Variants in POMGNT1 observed in about 807,000 individuals in gnomAD.
POMGNT1 encodes protein O-linked-mannose beta-1,2-N-acetylglucosaminyltransferase 1.
In POMGNT1, 67 loss-of-function variants were observed where a neutral mutation model predicts 95.6. The observed-to-expected ratio is 0.70, with a 90% confidence interval of 0.58 to 0.86. The LOEUF (loss-of-function observed/expected upper bound fraction) is 0.86. Ranked by LOEUF, POMGNT1 falls within the 40% of genes least tolerant of loss-of-function variation. The pLI, the probability that POMGNT1 is intolerant of heterozygous loss-of-function variation, is 0.00. For synonymous variants in POMGNT1, 298 were observed against 317.9 expected (o/e 0.94, Z 0.66); for missense variants, 719 against 855.2 (o/e 0.84, Z 1.99).
upstream of POMGNT1, among the ~76,000 whole-genome samples, chr1:46,200,677 G>T (rs1260653527): frequency 5.9e-5 from 9 of 152,336 alleles, no homozygotes; most frequent in Non-Finnish European, 1.5e-5. Context: ...AGTCCTGTCA[G>T]TCTTACCTCC....
Position 46,188,719 on chromosome 1 carries a change from T to C in POMGNT1, c.*551A>G, listed in dbSNP as rs570689044. 1.7e-5 allele frequency: 27 copies of C among 1,602,940 alleles called. No individual in the cohort carries two copies. The East Asian group carries it at 5.8e-4, about 35-fold the overall frequency. ...TCTCCTTTTTTAATCAATGACCAAC[T>C]TATCCAGCTTTGGAAATCTGGACAA... On this transcript the variant is annotated 3_prime_UTR_variant, in exon 22 of 22. Transcript: ENST00000371984.
rs753603587 is a variant in POMGNT1 at position 46,190,455 on chromosome 1, A to G, written c.1649+18T>C. 8 of 1,574,224 alleles carry G rather than the reference A, an allele frequency of 5.1e-6. No individual in the cohort carries two copies. Among genetic ancestry groups the G allele is most frequent in the Non-Finnish European group, 7.0e-6 (8 of 1,143,732 alleles). ...GACTCTTTGCTCCCTGCTACACCCC[A>G]ATTGTCCTAGGCCATACCTGAGCAG... is the stretch of plus-strand genomic sequence containing the variant. On this transcript the variant is annotated intron_variant, in intron 19 of 21. Coordinates refer to ENST00000371984, the MANE Select transcript of POMGNT1 (RefSeq NM_017739.4).
At chr1:46,214,428 T>C (rs1189286348) in intron 1 of POMGNT1, among the ~76,000 whole-genome samples, 1 of 151,662 alleles carries the variant, frequency 6.6e-6, no homozygotes, top group Non-Finnish European at 1.5e-5. Flanking sequence ...ATAAAAATCA[T>C]TAAGCATATC....
chr1:46,207,269 C>T (rs142886272), intron 1 of POMGNT1, among the ~76,000 whole-genome samples: 181 of 152,030 alleles, frequency 1.2e-3, no homozygotes, highest in African/African-American at 4.0e-3. Context: ...TTAGTAGAGA[C>T]GGGATTTTGC....
chr1:46,203,180 C>G (rs1162182408), upstream of POMGNT1, among the ~76,000 whole-genome samples: 2 of 152,128 alleles, frequency 1.3e-5, no homozygotes, highest in African/African-American at 2.4e-5. Context: ...AGTGCTCTTT[C>G]AGGTCCAACT....
chr1:46,194,967 G>A lies in POMGNT1; in HGVS notation c.535-6C>T. The A allele has an allele frequency of 6.2e-7, 1 of 1,613,942 alleles. No homozygotes were observed. Among genetic ancestry groups the A allele is most frequent in the African/African-American group, 1.3e-5 (1 of 75,068 alleles). On this transcript the variant is annotated splice_polypyrimidine_tract_variant and splice_region_variant and intron_variant, in intron 6 of 21. Coordinates refer to ENST00000371984, the MANE Select transcript of POMGNT1 (RefSeq NM_017739.4). Reference sequence around the variant, plus strand: ...AGGTGGAAGGAGCCCTCATCCTGGGGGACCAGAGAAGGCAGTTAGCCTGAC... The same window carrying A: ...AGGTGGAAGGAGCCCTCATCCTGGGAGACCAGAGAAGGCAGTTAGCCTGAC...
chr1:46,199,955 A>C (rs192338902), upstream of POMGNT1, among the ~76,000 whole-genome samples: 139 of 152,292 alleles, frequency 9.1e-4, no homozygotes, highest in Admixed American at 1.9e-3. Context: ...TGGTCAGTTG[A>C]GGTCAGGAGT....
chr1:46,189,812 G>A (rs1311338548), intron 20 of POMGNT1, 42 bp downstream of exon 20: 1 of 1,612,352 alleles, frequency 6.2e-7, no homozygotes, highest in East Asian at 2.2e-5. Context: ...GTATGTGTGT[G>A]AGGGGGAGGG....
chr1:46,190,600 A>G (rs1657688473), intron 18 of POMGNT1, 83 bp from the exon 19 acceptor site: 4 of 1,533,862 alleles, frequency 2.6e-6, no homozygotes, highest in African/African-American at 1.4e-5. Context: ...AAGGGGTCAC[A>G]TGGGAATCTG....
chr1:46,202,985 T>C (rs114864376), upstream of POMGNT1, among the ~76,000 whole-genome samples: 1 of 147,598 alleles, frequency 6.8e-6, no homozygotes, highest in African/African-American at 2.5e-5. Context: ...CATCGTTTTA[T>C]ACCCAATTCC....
upstream of POMGNT1, chr1:46,203,279 C>T: frequency 2.0e-6 from 1 of 505,048 alleles, no homozygotes; most frequent in Admixed American, 3.9e-5. Context: ...CGCGGCTTTT[C>T]TGAGTGTTAC....
At chr1:46,198,518 G>GGGCGGCGGCGGC (rs562692247), upstream of POMGNT1, 50 of 147,540 alleles carry the variant, frequency 3.4e-4, no homozygotes, top group African/African-American at 1.0e-3. Context: ...GCGGTGCTTA[G>GGGCGGCGGCGGC]GGCGGCGGCG....
At chr1:46,203,767 G>C in intron 1 of POMGNT1, 1 of 751,606 alleles carries the variant, frequency 1.3e-6, no homozygotes, top group East Asian at 3.2e-5. Flanking sequence ...AGATCAATCC[G>C]TAAACGCTGG....
chr1:46,194,728 T>G (rs1658085092), intron 7 of POMGNT1, 77 bp from the exon 8 acceptor site: 15 of 1,614,014 alleles, frequency 9.3e-6, no homozygotes, highest in Non-Finnish European at 1.2e-5. Flanking sequence ...CCTGCCTACT[T>G]TCATCCAACC....
chr1:46,220,101 C>G, exon 1 of POMGNT1: 1 of 1,614,200 alleles, frequency 6.2e-7, no homozygotes, highest in Non-Finnish European at 8.5e-7. Context: ...TGTGTGGAAG[C>G]CCCCAGGGGA....
intron 16 of POMGNT1, 34 bp downstream of exon 16, chr1:46,192,274 G>C: frequency 1.2e-6 from 2 of 1,614,172 alleles, no homozygotes; most frequent in Non-Finnish European, 1.7e-6. Flanking sequence ...GTTGGTAGGG[G>C]ACTCCAGCCC....
At chr1:46,213,351 A>G (rs533530677) in intron 1 of POMGNT1, among the ~76,000 whole-genome samples, 3 of 91,180 alleles carry the variant, frequency 3.3e-5, no homozygotes, top group Non-Finnish European at 8.3e-5. Context: ...TGTTTTCCAT[A>G]TTTTAAAAAG....
chr1:46,218,439 G>A (rs1442374293), intron 1 of POMGNT1, among the ~76,000 whole-genome samples: 1 of 152,214 alleles, frequency 6.6e-6, no homozygotes, highest in Non-Finnish European at 1.5e-5. Context: ...AAAGTCATTT[G>A]TGGCAGCACC....
At position 46,192,600 on chromosome 1, in the gene POMGNT1, G is replaced by A; in HGVS notation, c.1212-10C>T. The A allele has an allele frequency of 1.9e-6, 3 of 1,613,808 alleles. No homozygotes were observed. The highest frequency in any genetic ancestry group is 2.5e-6 in the Non-Finnish European group (3 of 1,179,950). ...GGATTGGCTCAGGAAACTGAGAGAG[G>A]CAGGGTCAAAGAGTTCAGGGAGGGA... On this transcript the variant is annotated splice_polypyrimidine_tract_variant and intron_variant, in intron 14 of 21. Coordinates refer to ENST00000371984, the MANE Select transcript of POMGNT1 (RefSeq NM_017739.4).
Sources: gnomAD v4.1 joint callset for allele counts (sites outside exome capture counted in the v4.1 genomes callset) on GRCh38, gnomAD v4.1.1 for gene constraint, MANE v1.5 for transcripts, NCBI Gene and HGNC (gene_info 2026-07-23, HGNC 2026-07-21) for gene names.